Variants in PTPRG observed in about 807,000 individuals in gnomAD.
PTPRG encodes protein tyrosine phosphatase receptor type G, also known as receptor-type tyrosine-protein phosphatase gamma.
In PTPRG, 102 loss-of-function variants were observed where a neutral mutation model predicts 165.3. That is an observed-to-expected ratio of 0.62 (90% confidence interval 0.53 to 0.73). The LOEUF is 0.73. Among genes scored for constraint, PTPRG ranks in the 30% least tolerant of loss-of-function variants. The pLI, the probability that PTPRG is intolerant of heterozygous loss-of-function variation, is 0.00. For synonymous variants in PTPRG, 675 were observed against 669.5 expected (o/e 1.01, Z -0.13); for missense variants, 1,866 against 1,861.4 (o/e 1.00, Z -0.05).
intron 2 of PTPRG, among the ~76,000 whole-genome samples, chr3:61,841,181 G>A (rs964996175): frequency 4.6e-5 from 7 of 152,182 alleles, no homozygotes; most frequent in African/African-American, 1.4e-4. Flanking sequence ...GACCGTTATA[G>A]AAGTTTACGC....
intron 4 of PTPRG, among the ~76,000 whole-genome samples, chr3:62,064,927 T>C (rs1257079678): frequency 6.6e-6 from 1 of 152,008 alleles, no homozygotes; most frequent in Non-Finnish European, 1.5e-5. Flanking sequence ...AAAGATGGGC[T>C]TTCACCATGT....
chr3:61,728,450 G>T (rs760417002), intron 1 of PTPRG, among the ~76,000 whole-genome samples: 2 of 152,066 alleles, frequency 1.3e-5, no homozygotes, highest in African/African-American at 4.8e-5. Context: ...GGGTGTGGTC[G>T]TGTGTGCCTG....
rs563810526 is a variant in PTPRG at position 62,075,365 on chromosome 3, G to C, written c.520-2798G>C. Among the ~76,000 whole-genome samples, 225 of 152,274 alleles carry C rather than the reference G, an allele frequency of 1.5e-3. 2 individuals carry two copies. The highest frequency in any genetic ancestry group is 5.1e-3 in the African/African-American group (212 of 41,538). ...TGTGTTAAGTTTCTTTCTTGGGTTA[G>C]TAGTATTGTATCCAAAGCAATTCAC... On this transcript the variant is annotated intron_variant, in intron 4 of 29. Transcript: ENST00000474889.
chr3:61,797,144 A>T (rs1047083358), intron 2 of PTPRG, among the ~76,000 whole-genome samples: 1 of 152,238 alleles, frequency 6.6e-6, no homozygotes, highest in East Asian at 1.9e-4. Flanking sequence ...TCTTTGAGCC[A>T]GGTTTCCATC....
At chr3:62,184,684 C>G (rs963628673) in intron 8 of PTPRG, among the ~76,000 whole-genome samples, 1 of 152,204 alleles carries the variant, frequency 6.6e-6, no homozygotes, top group African/African-American at 2.4e-5. Flanking sequence ...CGTCTGCTGG[C>G]TTAAGCCAAG....
intron 2 of PTPRG, among the ~76,000 whole-genome samples, chr3:61,961,587 T>G (rs2040153799): frequency 6.6e-6 from 1 of 152,184 alleles, no homozygotes; most frequent in Admixed American, 6.5e-5. Context: ...AAGTCTTGTT[T>G]GTTTGATCTT....
chr3:62,202,483 ATGT>A (rs1700117183), intron 11 of PTPRG, among the ~76,000 whole-genome samples: 2 of 152,152 alleles, frequency 1.3e-5, no homozygotes, highest in African/African-American at 4.8e-5. Context: ...ATTGTTGTTG[ATGT>A]TGTTGTCATC....
At chr3:61,737,763 G>C (rs920559173) in intron 1 of PTPRG, among the ~76,000 whole-genome samples, 1 of 151,952 alleles carries the variant, frequency 6.6e-6, no homozygotes, top group African/African-American at 2.4e-5. Flanking sequence ...TGCATTCAGG[G>C]TGTTTTCTAC....
chr3:61,732,564 C>A (rs2032547763), intron 1 of PTPRG, among the ~76,000 whole-genome samples: 1 of 150,178 alleles, frequency 6.7e-6, no homozygotes, highest in African/African-American at 2.5e-5. Context: ...AAAAAATTAG[C>A]CGCGCATGAT....
intron 14 of PTPRG, among the ~76,000 whole-genome samples, chr3:62,232,232 A>G (rs1330068874): frequency 1.3e-5 from 2 of 152,206 alleles, no homozygotes; most frequent in Non-Finnish European, 2.9e-5. Context: ...CTGAGAAGGT[A>G]TAGTTTAGGA....
At position 62,074,180 on chromosome 3, in the gene PTPRG, A is replaced by AGAGT. The variant is rs1553713353; in HGVS notation, c.520-3982_520-3981insAGTG. 9.5e-3 allele frequency among the ~76,000 whole-genome samples: 1,362 copies of AGAGT among 143,670 alleles called. 17 individuals are homozygous for AGAGT. Among genetic ancestry groups the AGAGT allele is most frequent in the African/African-American group, 0.029 (1,110 of 38,142 alleles). The allele number at this position is 143,670 out of a possible 152,430, so 94.3% of individuals were successfully genotyped here. The stretch of plus-strand genomic sequence containing the variant: ...CAGATGATTGAGGAAAAAAAGTGAG[A>AGAGT]GTGTGTGTGTGTGTGTGTGTGTGTG... On this transcript the variant is annotated intron_variant, in intron 4 of 29. Coordinates refer to ENST00000474889, the MANE Select transcript of PTPRG (RefSeq NM_002841.4).
At position 62,295,567 on chromosome 3, in the gene PTPRG, T is replaced by C. The variant is rs893753493; in HGVS notation, c.*2260T>C. ...ATACCCTCCAATGCAATTCTGTGGC[T>C]GTCCCTTACAGTGGTTTCAGAATCA... On this transcript the variant is annotated 3_prime_UTR_variant, in exon 30 of 30. Transcript: ENST00000474889. 2.0e-5 allele frequency: 3 copies of C among 152,112 alleles called. No individual in the cohort carries two copies. Among genetic ancestry groups the C allele is most frequent in the African/African-American group, 7.2e-5 (3 of 41,442 alleles). The allele number at this position is 152,112 out of a possible 1,614,324, so 9.4% of individuals were successfully genotyped here.
intron 2 of PTPRG, among the ~76,000 whole-genome samples, chr3:61,942,607 A>C (rs1460735180): frequency 6.6e-6 from 1 of 152,204 alleles, no homozygotes; most frequent in Non-Finnish European, 1.5e-5. Flanking sequence ...CCATGAATTC[A>C]CTTTTTTTAA....
chr3:61,943,461 C>A (rs554133729), intron 2 of PTPRG, among the ~76,000 whole-genome samples: 1 of 152,154 alleles, frequency 6.6e-6, no homozygotes, highest in African/African-American at 2.4e-5. Flanking sequence ...GCCTTTAATC[C>A]CAGCTACCTG....
chr3:61,752,761 C>CTGGGTGATAG (rs926466644), intron 2 of PTPRG, among the ~76,000 whole-genome samples: 2 of 109,214 alleles, frequency 1.8e-5, no homozygotes, highest in African/African-American at 7.0e-5. Context: ...ATATTCCAGC[C>CTGGGTGATAG]TGGGTGATAG....
chr3:61,922,638 A>G (rs2039106735), intron 2 of PTPRG, among the ~76,000 whole-genome samples: 1 of 152,200 alleles, frequency 6.6e-6, no homozygotes, highest in East Asian at 1.9e-4. Flanking sequence ...TCCTTAGCTC[A>G]GTTCAGGTCT....
chr3:61,799,814 T>C (rs551653409), intron 2 of PTPRG, among the ~76,000 whole-genome samples: 7 of 152,310 alleles, frequency 4.6e-5, no homozygotes, highest in Admixed American at 3.3e-4. Flanking sequence ...TGGGAGTTAT[T>C]CACTAACCCC....
At chr3:62,093,366 A>G (rs549609126) in intron 5 of PTPRG, among the ~76,000 whole-genome samples, 2 of 152,222 alleles carry the variant, frequency 1.3e-5, no homozygotes, top group Non-Finnish European at 2.9e-5. Flanking sequence ...CACCAGTCCA[A>G]CTTGAATTCT....
chr3:61,754,048 C>T (rs1291383774), intron 2 of PTPRG, among the ~76,000 whole-genome samples: 2 of 151,986 alleles, frequency 1.3e-5, no homozygotes, highest in African/African-American at 4.8e-5. Context: ...TCTCATTTTC[C>T]CCTGTGTAGA....
Sources: allele counts gnomAD v4.1 joint callset (sites outside exome capture counted in the v4.1 genomes callset), GRCh38; gene constraint gnomAD v4.1.1; transcripts MANE v1.5; gene names NCBI Gene and HGNC (gene_info 2026-07-23, HGNC 2026-07-21).